TMIE: variants seen among roughly 807,000 people sequenced by gnomAD.
The protein encoded by TMIE is transmembrane inner ear.
In TMIE, 14 loss-of-function variants were observed where a neutral mutation model predicts 16.8. The ratio of observed to expected loss-of-function variants is 0.83; its 90% CI spans 0.55 to 1.30. TMIE has a LOEUF of 1.30. TMIE is among the 50% of genes most tolerant of loss of function. The pLI is 0.00. For synonymous variants in TMIE, 75 were observed against 87.2 expected (o/e 0.86, Z 0.78); for missense variants, 204 against 205.9 (o/e 0.99, Z 0.06).
At chr3:46,695,063 C>T (rs1700375508) in intron 1 of TMIE, among the ~76,000 whole-genome samples, 1 of 152,188 alleles carries the variant, frequency 6.6e-6, no homozygotes, top group Non-Finnish European at 1.5e-5. Flanking sequence ...AAAGCCTCCC[C>T]TCCCCATGCC....
At chr3:46,699,057 CTTATTTTTTTTT>C (rs1700439416), upstream of TMIE, among the ~76,000 whole-genome samples, 1 of 65,290 alleles carries the variant, frequency 1.5e-5, no homozygotes. Context: ...AATGGTGTTT[CTTATTTTTTTTT>C]TTTTTTTTTT....
rs754027933 is a variant in TMIE at position 46,705,854 on chromosome 3, A to T, written c.158A>T (p.Asp53Val). 1 of 1,613,994 alleles carries T rather than the reference A, an allele frequency of 6.2e-7. No individual in the cohort carries two copies. ...ACCAAGGAGACAGTGGTGTTCTGGG[A>T]CATGCGCCTGTGGCACGTGGTGGGC... ...PLTKETVVFW[D>V]MRLWHVVGIF... The change falls in exon 2 of 4, where the codon GAC (aspartate) becomes GTC (valine). Residue 53 changes from aspartate (D) to valine (V), a missense_variant. Physicochemically the swap from Asp to Val is radical, Grantham distance 152. Coordinates refer to ENST00000643606, the MANE Select transcript of TMIE (RefSeq NM_147196.3).
At chr3:46,706,072 G>T (rs192863369) in intron 2 of TMIE, among the ~76,000 whole-genome samples, 165 bp downstream of exon 2, 2 of 152,248 alleles carry the variant, frequency 1.3e-5, no homozygotes, top group South Asian at 4.1e-4. Context: ...CAAACTCCCC[G>T]TGGAGGGCTG....
chr3:46,709,667 G>A lies in TMIE; in HGVS notation c.450G>A (p.Lys150=), dbSNP rs909643635. ...KVEEDEKNEA[K]KKKGEK is the part of the protein sequence containing the mutation. The stretch of plus-strand genomic sequence containing the variant: ...AGGAGGATGAGAAGAATGAGGCCAA[G>A]AAGAAGAAAGGAGAGAAATGAAGAC... The change falls in exon 4 of 4, where the codon AAG becomes AAA. Residue 150 remains lysine, a synonymous_variant. Coordinates refer to ENST00000643606, the MANE Select transcript of TMIE (RefSeq NM_147196.3). The A allele has an allele frequency of 3.7e-6, 6 of 1,613,878 alleles. No individual in the cohort carries two copies. Among genetic ancestry groups the A allele is most frequent in the African/African-American group, 1.3e-5 (1 of 74,918 alleles).
intron 2 of TMIE, among the ~76,000 whole-genome samples, chr3:46,707,394 G>A (rs1011992036): frequency 6.6e-6 from 1 of 152,240 alleles, no homozygotes; most frequent in African/African-American, 2.4e-5. Context: ...GTAAAGGATA[G>A]TCCCAAGACA....
chr3:46,707,496 C>T (rs1700567271), intron 2 of TMIE, among the ~76,000 whole-genome samples: 1 of 152,192 alleles, frequency 6.6e-6, no homozygotes, highest in African/African-American at 2.4e-5. Context: ...AACATTTTTC[C>T]TGCTTCCCAG....
intron 1 of TMIE, among the ~76,000 whole-genome samples, chr3:46,703,926 C>T (rs1156472703): frequency 6.6e-6 from 1 of 152,190 alleles, no homozygotes; most frequent in Non-Finnish European, 1.5e-5. Flanking sequence ...CAGTGCACAA[C>T]ATCTCGCTCA....
At position 46,709,912 on chromosome 3, in the gene TMIE, A is replaced by G; in HGVS notation, c.*224A>G. On this transcript the variant is annotated 3_prime_UTR_variant, in exon 4 of 4. Coordinates refer to ENST00000643606, the MANE Select transcript of TMIE (RefSeq NM_147196.3). ...GCTTGGCTCCTTTCACCCCATCCACATGGGTACTGTCTCGGCAGAGGTGGT... is the reference window on the plus strand; with the variant it reads ...GCTTGGCTCCTTTCACCCCATCCACGTGGGTACTGTCTCGGCAGAGGTGGT... The G allele has an allele frequency of 1.2e-6, 1 of 808,990 alleles. No homozygotes were observed. The highest frequency in any genetic ancestry group is 1.9e-6 in the Non-Finnish European group (1 of 524,078). The allele number at this position is 808,990 out of a possible 1,614,324, so 50.1% of individuals were successfully genotyped here. A position where few individuals can be genotyped will look rare whatever the true frequency, so the allele number is the denominator to read the frequency against.
intron 1 of TMIE, among the ~76,000 whole-genome samples, chr3:46,695,608 A>G (rs1359283011): frequency 1.3e-5 from 2 of 152,150 alleles, no homozygotes; most frequent in African/African-American, 4.8e-5. Context: ...ATATGGCCTC[A>G]CCACTTGTGA....
chr3:46,707,616 C>G (rs1700568464), intron 2 of TMIE, among the ~76,000 whole-genome samples: 4 of 152,196 alleles, frequency 2.6e-5, no homozygotes, highest in Admixed American at 2.6e-4. Flanking sequence ...ACTTATATCC[C>G]AAGCCCCTGC....
upstream of TMIE, among the ~76,000 whole-genome samples, chr3:46,697,969 T>G (rs1328132813): frequency 2.6e-5 from 4 of 152,280 alleles, no homozygotes; most frequent in East Asian, 7.7e-4. Flanking sequence ...TAACGTGGTG[T>G]TTAATACTGG....
Position 46,709,930 on chromosome 3 carries a change from G to C in TMIE, c.*242G>C. On this transcript the variant is annotated 3_prime_UTR_variant, in exon 4 of 4. Coordinates refer to ENST00000643606, the MANE Select transcript of TMIE (RefSeq NM_147196.3). ...CATCCACATGGGTACTGTCTCGGCA[G>C]AGGTGGTCTGGTGCCACCGTCCCTC... 1.4e-6 allele frequency: 1 copy of C among 695,618 alleles called. No homozygotes were observed. Among genetic ancestry groups the C allele is most frequent in the South Asian group, 1.9e-5 (1 of 53,140 alleles). 43.1% of individuals were successfully genotyped at this position (695,618 alleles called of 1,614,324 possible).
chr3:46,709,470 G>A (rs1700593348), intron 3 of TMIE, 109 bp from the exon 4 acceptor site: 1 of 1,609,696 alleles, frequency 6.2e-7, no homozygotes, highest in Admixed American at 1.7e-5. Context: ...TAGGAAGAAG[G>A]AAGAAAAAGG....
intron 2 of TMIE, among the ~76,000 whole-genome samples, chr3:46,706,660 A>AGAGGAGGGTCCTCTGAG (rs547479037): frequency 6.3e-4 from 96 of 152,318 alleles, no homozygotes; most frequent in Admixed American, 4.1e-3. Flanking sequence ...AAGGCATCAC[A>AGAGGAGGGTCCTCTGAG]GAGGAGGGTC....
chr3:46,695,562 C>T (rs115723479), intron 1 of TMIE, among the ~76,000 whole-genome samples: 249 of 152,256 alleles, frequency 1.6e-3, no homozygotes, highest in African/African-American at 5.6e-3. Flanking sequence ...AGGAGGGAGG[C>T]AAGGGCTGGA....
chr3:46,702,312 C>T (rs1700486685), intron 1 of TMIE, among the ~76,000 whole-genome samples: 1 of 152,080 alleles, frequency 6.6e-6, no homozygotes, highest in Admixed American at 6.5e-5. Flanking sequence ...AGCAGGCACA[C>T]AGTGGGAGAG....
chr3:46,705,767 C>G, intron 1 of TMIE, 23 bp from the exon 2 acceptor site: 1 of 1,610,548 alleles, frequency 6.2e-7, no homozygotes, highest in Non-Finnish European at 8.5e-7. Flanking sequence ...GCCTAACTCA[C>G]TCCCCTCTCT....
chr3:46,707,043 C>T (rs899865950), intron 2 of TMIE, among the ~76,000 whole-genome samples: 1 of 152,242 alleles, frequency 6.6e-6, no homozygotes, highest in Non-Finnish European at 1.5e-5. Context: ...AGAAAATCCC[C>T]GCCCCCCATC....
chr3:46,701,462 T>C lies in TMIE; in HGVS notation c.-26T>C. 1 of 1,383,048 alleles carries C rather than the reference T, an allele frequency of 7.2e-7. No homozygotes were observed. The highest frequency in any genetic ancestry group is 9.3e-7 in the Non-Finnish European group (1 of 1,069,888). The allele number at this position is 1,383,048 out of a possible 1,614,324, so 85.7% of individuals were successfully genotyped here. On this transcript the variant is annotated 5_prime_UTR_variant, in exon 1 of 4. Transcript: ENST00000643606. The surrounding 1 kb of genome is among the most constrained non-coding windows in gnomAD (Gnocchi z 4.3). ...GCGGCCGGCCCGTTCGTCCCTGGGC[T>C]CCGCAAGCGGCGCGGTGGCACGAAG... is the stretch of plus-strand genomic sequence containing the variant.
Sources: allele counts gnomAD v4.1 joint callset (sites outside exome capture counted in the v4.1 genomes callset), GRCh38; gene constraint gnomAD v4.1.1; non-coding constraint Gnocchi (gnomAD v3.1); transcripts MANE v1.5; gene names NCBI Gene and HGNC (gene_info 2026-07-23, HGNC 2026-07-21).